The following DNAH1 variants were observed in gnomAD, a reference collection of about 807,000 sequenced individuals.
DNAH1 encodes axonemal beta dynein heavy chain 1.
In DNAH1, 327 loss-of-function variants were observed where a neutral mutation model predicts 484.3. The observed-to-expected ratio is 0.68, with a 90% CI of 0.62 to 0.74. DNAH1 has a LOEUF of 0.74. Ranked by LOEUF, DNAH1 falls within the 30% of genes least tolerant of loss-of-function variation. DNAH1 has a pLI of 0.00. For missense variants in DNAH1, 5,052 were observed against 5,546.8 expected, an observed-to-expected ratio of 0.91 and a Z score of 2.83; for synonymous variants, 2,192 against 2,191.9, an observed-to-expected ratio of 1.00 and a Z score of 0.00.
chr3:52,346,579 G>T lies in DNAH1; in HGVS notation c.1764G>T (p.Trp588Cys). The T allele has an allele frequency of 6.2e-7, 1 of 1,614,066 alleles. No individual in the cohort carries two copies. Among genetic ancestry groups the T allele is most frequent in the Non-Finnish European group, 8.5e-7 (1 of 1,179,892 alleles). The change falls in exon 11 of 78, where the codon TGG becomes TGT. Residue 588 changes from tryptophan (W) to cysteine (C), a missense_variant. Trp to Cys is a radical substitution (Grantham distance 215). Transcript: ENST00000420323. ...GGTACAACCTCTACGAGACCAACTGGGAGGTGTACCTCATGTCCAAGCTGC... is the reference window on the plus strand; with the variant it reads ...GGTACAACCTCTACGAGACCAACTGTGAGGTGTACCTCATGTCCAAGCTGC... ...KGWYNLYETN[W>C]EVYLMSKLRK...
At chr3:52,331,916 C>T (rs534404541) in intron 7 of DNAH1, among the ~76,000 whole-genome samples, 46 of 152,296 alleles carry the variant, frequency 3.0e-4, no homozygotes, top group African/African-American at 8.9e-4. Flanking sequence ...TCAGCCACCA[C>T]GCCCCAGCCT....
At chr3:52,341,056 C>A (rs1202073532) in intron 8 of DNAH1, among the ~76,000 whole-genome samples, 1 of 151,882 alleles carries the variant, frequency 6.6e-6, no homozygotes, top group Non-Finnish European at 1.5e-5. Context: ...CTTGGCTGTC[C>A]AGAAGTCTGT....
intron 4 of DNAH1, 44 bp from the exon 5 acceptor site, chr3:52,326,691 C>T: frequency 1.3e-6 from 2 of 1,544,998 alleles, no homozygotes; most frequent in Non-Finnish European, 1.8e-6. Context: ...AGCCACCTCA[C>T]ACGAGCCAAG....
intron 34 of DNAH1, among the ~76,000 whole-genome samples, chr3:52,365,857 G>A (rs933548357): frequency 8.5e-5 from 13 of 152,222 alleles, no homozygotes; most frequent in Non-Finnish European, 2.9e-5. Flanking sequence ...TAGCAGGCTT[G>A]TTGAATGAAG....
intron 52 of DNAH1, among the ~76,000 whole-genome samples, chr3:52,384,452 C>T (rs1259531071): frequency 1.3e-5 from 2 of 152,168 alleles, no homozygotes; most frequent in African/African-American, 4.8e-5. Context: ...GGAACCACCT[C>T]AGGGCTCTCA....
At position 52,383,553 on chromosome 3, in the gene DNAH1, A is replaced by C. The variant is rs2153225232; in HGVS notation, c.8109A>C (p.Thr2703=). Residue 2703 remains threonine (T), a synonymous_variant, in exon 51 of 78, where the codon ACA becomes ACC. Transcript: ENST00000420323. The part of the protein sequence containing the change: ...PTKANLMAAY[T]GRVRSNIHMV... The stretch of plus-strand genomic sequence containing the variant: ...AGGCCAACCTCATGGCTGCTTACAC[A>C]GGGCGTGTGCGCAGCAACATCCACA... The C allele has an allele frequency of 6.2e-7, 1 of 1,610,098 alleles. No individual in the cohort carries two copies. Among genetic ancestry groups the C allele is most frequent in the South Asian group, 1.1e-5 (1 of 90,340 alleles).
At chr3:52,343,490 T>C (rs969079935) in intron 8 of DNAH1, among the ~76,000 whole-genome samples, 5 of 152,052 alleles carry the variant, frequency 3.3e-5, no homozygotes, top group Admixed American at 6.6e-5. Context: ...GGAGGGTGTG[T>C]CTGTGAGTTG....
chr3:52,392,765 G>A, intron 64 of DNAH1, 65 bp from the exon 65 acceptor site: 1 of 1,438,152 alleles, frequency 7.0e-7, no homozygotes, highest in Non-Finnish European at 9.3e-7. Context: ...GCCTGCCCTA[G>A]GCCTGCCCCC....
Position 52,361,197 on chromosome 3 carries a change from C to A in DNAH1, c.4719C>A (p.Leu1573=). ...TGACACTGACCGGAGCTCTGCACCT[C>A]AAGTTTGGGGGTGCCCCAGCTGGCC... ...CYLTLTGALH[L]KFGGAPAGPA... The change falls in exon 29 of 78, where the codon CTC becomes CTA. Residue 1573 remains leucine (L), a synonymous_variant. Coordinates refer to ENST00000420323, the MANE Select transcript of DNAH1 (RefSeq NM_015512.5). This position sits in a 1 kb window ranked among gnomAD's most constrained non-coding sequence, Gnocchi z 5.6. The A allele has an allele frequency of 1.2e-6, 2 of 1,612,102 alleles. No homozygotes were observed. The highest frequency in any genetic ancestry group is 3.3e-4 in the Middle Eastern group (2 of 6,052).
At chr3:52,331,090 A>C in intron 6 of DNAH1, 58 bp from the exon 7 acceptor site, 1 of 1,532,154 alleles carries the variant, frequency 6.5e-7, no homozygotes, top group South Asian at 1.2e-5. Flanking sequence ...CAGCACTCAG[A>C]GGCCCCTTCC....
rs373064545 is a variant in DNAH1, at chr3:52,398,878, C to G, written c.12118C>G (p.Gln4040Glu). The G allele has an allele frequency of 3.2e-6, 5 of 1,569,314 alleles. No individual in the cohort carries two copies. The highest frequency in any genetic ancestry group is 4.3e-6 in the Non-Finnish European group (5 of 1,154,504). The change falls in exon 76 of 78, where the codon CAG (glutamine) becomes GAG (glutamate). Residue 4040 changes from glutamine (Q) to glutamate (E), a missense_variant. Coordinates refer to ENST00000420323, the MANE Select transcript of DNAH1 (RefSeq NM_015512.5). ...RYNRLLQVIT[Q>E]TLQDLLKALK... ...CAATCGGCTGCTGCAGGTGATCACA[C>G]AGACACTGCAAGACCTACTCAAGGC... is the stretch of plus-strand genomic sequence containing the variant.
rs553059664 is a variant in DNAH1, at chr3:52,345,818, C to T, written c.1656+112C>T. 5.0e-5 allele frequency: 54 copies of T among 1,089,234 alleles called. No individual in the cohort carries two copies. In the African/African-American group the frequency reaches 7.2e-4, roughly 15 times the overall value. The allele number at this position is 1,089,234 out of a possible 1,614,324, so 67.5% of individuals were successfully genotyped here. A position where few individuals can be genotyped will look rare whatever the true frequency, so the allele number is the denominator to read the frequency against. On this transcript the variant is annotated intron_variant, in intron 10 of 77. Transcript: ENST00000420323. ...AGGGTCAGTGGGCCACATGGTGAGG[C>T]TGTGAGCCCCTGCTTTTCTCAAAAC...
intron 44 of DNAH1, chr3:52,374,629 G>A: frequency 7.4e-6 from 11 of 1,489,314 alleles, no homozygotes; most frequent in Non-Finnish European, 1.0e-5. Flanking sequence ...TACATCATGA[G>A]TTTAATCAGT....
At chr3:52,371,467 G>A (rs1411715111) in intron 41 of DNAH1, among the ~76,000 whole-genome samples, 3 of 152,274 alleles carry the variant, frequency 2.0e-5, no homozygotes, top group Non-Finnish European at 2.9e-5. Context: ...CAGGGCTGCT[G>A]TGAGTGAAGG....
intron 45 of DNAH1, among the ~76,000 whole-genome samples, chr3:52,375,744 G>A (rs1481284910): frequency 6.6e-6 from 1 of 152,194 alleles, no homozygotes; most frequent in Non-Finnish European, 1.5e-5. Context: ...GTATACGTTA[G>A]TACTTGCCCA....
chr3:52,397,135 T>C (rs1366297359), intron 73 of DNAH1, 91 bp downstream of exon 73: 1 of 1,173,646 alleles, frequency 8.5e-7, no homozygotes, highest in Non-Finnish European at 1.2e-6. Context: ...TGGGAGGAGA[T>C]GCAGCCCCCA....
At chr3:52,367,820 G>A (rs71297395) in intron 36 of DNAH1, among the ~76,000 whole-genome samples, 5,241 of 152,270 alleles carry the variant, frequency 0.034, 132 homozygotes, top group Non-Finnish European at 0.047. Flanking sequence ...TGATCTGCCC[G>A]CCTTGGCCTC....
At chr3:52,312,569 C>T (rs1700816643), upstream of DNAH1, among the ~76,000 whole-genome samples, 1 of 150,868 alleles carries the variant, frequency 6.6e-6, no homozygotes, top group Non-Finnish European at 1.5e-5. Flanking sequence ...CTCCTGGGTT[C>T]AGGCAGTTCT....
intron 48 of DNAH1, among the ~76,000 whole-genome samples, chr3:52,380,617 A>C (rs1278115072): frequency 6.6e-6 from 1 of 152,200 alleles, no homozygotes; most frequent in Admixed American, 6.5e-5. Flanking sequence ...GCTCTGACCC[A>C]ACTCTCAGGC....
Sources: gnomAD v4.1 joint callset for allele counts (sites outside exome capture counted in the v4.1 genomes callset) on GRCh38, gnomAD v4.1.1 for gene constraint, Gnocchi (gnomAD v3.1) non-coding constraint, MANE v1.5 for transcripts, NCBI Gene and HGNC (gene_info 2026-07-23, HGNC 2026-07-21) for gene names.